NELL1: variants seen among roughly 807,000 people sequenced by gnomAD.
The protein encoded by NELL1 is neural EGFL like 1, also known as protein kinase C-binding protein NELL1.
NELL1 carries 76 observed loss-of-function variants against 107.4 expected under a neutral mutation model. That is an observed-to-expected ratio of 0.71 (90% CI 0.59 to 0.86). The LOEUF is 0.86. NELL1 is among the 40% of genes least tolerant of loss of function. The probability of loss-of-function intolerance (pLI) is 0.00; values close to 1 mark genes in which losing one functional copy is unlikely to be tolerated. For synonymous variants in NELL1, 353 were observed against 341.2 expected, an observed-to-expected ratio of 1.03 and a Z score of -0.38; for missense variants, 1,024 against 1,005.5, an observed-to-expected ratio of 1.02 and a Z score of -0.25.
chr11:20,814,519 G>A (rs1021172293), intron 3 of NELL1, among the ~76,000 whole-genome samples: 5 of 152,052 alleles, frequency 3.3e-5, no homozygotes, highest in South Asian at 2.1e-4. Context: ...CCCAATGTTC[G>A]GCTCCCACTT....
At chr11:20,784,428 T>C (rs1454813174) in intron 3 of NELL1, among the ~76,000 whole-genome samples, 3 of 152,128 alleles carry the variant, frequency 2.0e-5, no homozygotes, top group Non-Finnish European at 4.4e-5. Context: ...GAGTAAGGGA[T>C]GGAAGAATAA....
intron 14 of NELL1, among the ~76,000 whole-genome samples, chr11:21,341,642 A>G (rs1015768614): frequency 2.0e-5 from 3 of 152,196 alleles, no homozygotes; most frequent in Non-Finnish European, 2.9e-5. Context: ...TGTTCCCCAG[A>G]CCAAGCCATT....
intron 17 of NELL1, among the ~76,000 whole-genome samples, chr11:21,566,477 T>C (rs1387549040): frequency 2.6e-5 from 4 of 152,034 alleles, no homozygotes; most frequent in South Asian, 2.1e-4. Context: ...GATAGGAAAC[T>C]TTATTTCCCT....
intron 12 of NELL1, among the ~76,000 whole-genome samples, chr11:20,988,609 T>C (rs1004600039): frequency 6.7e-6 from 1 of 149,284 alleles, no homozygotes; most frequent in Non-Finnish European, 1.5e-5. Context: ...GTTCTTTTCT[T>C]TTTTTTTTTG....
intron 14 of NELL1, among the ~76,000 whole-genome samples, chr11:21,369,063 C>A (rs777158493): frequency 6.6e-6 from 1 of 152,144 alleles, no homozygotes; most frequent in African/African-American, 2.4e-5. Flanking sequence ...GAAACAGCAT[C>A]AAGTCTCCTA....
At chr11:20,957,382 T>G (rs532071579) in intron 11 of NELL1, among the ~76,000 whole-genome samples, 1 of 152,296 alleles carries the variant, frequency 6.6e-6, no homozygotes, top group East Asian at 1.9e-4. Flanking sequence ...TCATCTTGGG[T>G]TGATAGTTCC....
chr11:21,329,280 G>A (rs2133682396), intron 14 of NELL1, among the ~76,000 whole-genome samples: 1 of 151,636 alleles, frequency 6.6e-6, no homozygotes, highest in African/African-American at 2.4e-5. Flanking sequence ...TTTTATAAGG[G>A]GCTTTTCCCC....
intron 13 of NELL1, among the ~76,000 whole-genome samples, chr11:21,136,747 T>C (rs948626043): frequency 2.0e-5 from 3 of 152,120 alleles, no homozygotes; most frequent in Non-Finnish European, 2.9e-5. Context: ...TGTTATCATC[T>C]TCATCATCAT....
chr11:21,107,259 A>T (rs1854992160), intron 12 of NELL1, among the ~76,000 whole-genome samples: 1 of 152,172 alleles, frequency 6.6e-6, no homozygotes, highest in Non-Finnish European at 1.5e-5. Context: ...TATCATAAAG[A>T]GTATTTTCAC....
intron 12 of NELL1, among the ~76,000 whole-genome samples, chr11:20,975,762 A>G (rs933556343): frequency 3.9e-5 from 5 of 128,412 alleles, no homozygotes; most frequent in African/African-American, 9.3e-5. Flanking sequence ...TACATATTAT[A>G]TATGTATTAT....
intron 14 of NELL1, among the ~76,000 whole-genome samples, chr11:21,248,039 T>C (rs1858538563): frequency 6.6e-6 from 1 of 152,136 alleles, no homozygotes; most frequent in African/African-American, 2.4e-5. Flanking sequence ...ATAGCCAGTA[T>C]CTCTGGTACA....
At chr11:21,366,091 T>C (rs78633883) in intron 14 of NELL1, among the ~76,000 whole-genome samples, 2,253 of 152,144 alleles carry the variant, frequency 0.015, 56 homozygotes, top group African/African-American at 0.051. Flanking sequence ...ATAAATATGC[T>C]CTGAACAAGG....
intron 15 of NELL1, among the ~76,000 whole-genome samples, chr11:21,523,449 A>C (rs79950404): frequency 0.01 from 1,577 of 152,284 alleles, 35 homozygotes; most frequent in East Asian, 0.074. Context: ...GAGATTCCCC[A>C]GTCTGCTTTT....
At position 21,483,791 on chromosome 11, in the gene NELL1, A is replaced by C. The variant is rs1854550847; in HGVS notation, c.1646-50583A>C. The stretch of plus-strand genomic sequence containing the variant: ...TAATTAAGTAAAATAGGATACCCAA[A>C]TAATGGAATATTGTGTGGTTATTAT... On this transcript the variant is annotated intron_variant, in intron 15 of 19. Transcript: ENST00000357134. Among the ~76,000 whole-genome samples the C allele has an allele frequency of 2.0e-5, 3 of 149,850 alleles. No individual in the cohort carries two copies. In the South Asian group the frequency reaches 6.3e-4, roughly 31 times the overall value.
chr11:20,897,653 T>TTTG (rs1849775990), intron 5 of NELL1, among the ~76,000 whole-genome samples: 1 of 152,028 alleles, frequency 6.6e-6, no homozygotes, highest in Non-Finnish European at 1.5e-5. Flanking sequence ...GGAGAAAATT[T>TTTG]TTGCAATCTA....
intron 14 of NELL1, among the ~76,000 whole-genome samples, chr11:21,276,575 A>G (rs528724298): frequency 1.4e-4 from 22 of 152,268 alleles, no homozygotes; most frequent in African/African-American, 4.6e-4. Flanking sequence ...ACCAAAAAAG[A>G]GCCTGCATTG....
chr11:20,750,172 A>G (rs1034545218), intron 2 of NELL1, among the ~76,000 whole-genome samples: 3 of 152,010 alleles, frequency 2.0e-5, no homozygotes, highest in Non-Finnish European at 4.4e-5. Flanking sequence ...TTAAATTTGT[A>G]TTTCCCCGAT....
intron 15 of NELL1, among the ~76,000 whole-genome samples, chr11:21,438,880 TG>T (rs1331371106): frequency 1.3e-5 from 2 of 152,024 alleles, no homozygotes; most frequent in Non-Finnish European, 2.9e-5. Context: ...CTCAAATTTT[TG>T]TTGGTAACAT....
intron 2 of NELL1, among the ~76,000 whole-genome samples, chr11:20,723,364 T>C (rs965523829): frequency 6.6e-6 from 1 of 152,146 alleles, no homozygotes. Flanking sequence ...GGTGCAGGCA[T>C]TGGGTAAATG....
Sources: gnomAD v4.1 joint callset for allele counts (sites outside exome capture counted in the v4.1 genomes callset) on GRCh38, gnomAD v4.1.1 for gene constraint, MANE v1.5 for transcripts, NCBI Gene and HGNC (gene_info 2026-07-23, HGNC 2026-07-21) for gene names.